TGM1: variants seen among roughly 807,000 people sequenced by gnomAD.
TGM1 encodes the protein transglutaminase 1, also known as protein-glutamine gamma-glutamyltransferase K.
A neutral mutation model predicts 88.7 loss-of-function variants in TGM1; 63 were observed. The observed-to-expected ratio is 0.71, with a 90% confidence interval of 0.58 to 0.88. The LOEUF (loss-of-function observed/expected upper bound fraction) is 0.88. Among genes scored for constraint, TGM1 ranks in the 40% least tolerant of loss-of-function variants. The probability of loss-of-function intolerance (pLI) is 0.00; values close to 1 mark genes in which losing one functional copy is unlikely to be tolerated. For synonymous variants in TGM1, 415 were observed against 431.1 expected, an observed-to-expected ratio of 0.96 and a Z score of 0.46; for missense variants, 996 against 1,118.0, an observed-to-expected ratio of 0.89 and a Z score of 1.56.
intron 4 of TGM1, 111 bp downstream of exon 4, chr14:24,260,339 C>T: frequency 6.6e-7 from 1 of 1,525,678 alleles, no homozygotes; most frequent in South Asian, 1.2e-5. Context: ...CAATGGGAGG[C>T]TGGCTTCTCC....
intron 14 of TGM1, among the ~76,000 whole-genome samples, chr14:24,252,575 T>C (rs1293244693): frequency 6.6e-6 from 1 of 152,162 alleles, no homozygotes; most frequent in Non-Finnish European, 1.5e-5. Context: ...CCAGAGACCA[T>C]GGTATGGTGA....
At chr14:24,262,914 G>A (rs976682303) in intron 1 of TGM1, among the ~76,000 whole-genome samples, 175 bp downstream of exon 1, 2 of 152,254 alleles carry the variant, frequency 1.3e-5, no homozygotes, top group African/African-American at 4.8e-5. Flanking sequence ...GGTAGGGCAT[G>A]GCAGGTGCCC....
chr14:24,254,810 T>G lies in TGM1; in HGVS notation c.1942A>C (p.Met648Leu), dbSNP rs2040732275. 1 of 1,613,756 alleles carries G rather than the reference T, an allele frequency of 6.2e-7. No homozygotes were observed. The highest frequency in any genetic ancestry group is 1.1e-5 in the South Asian group (1 of 91,088). Residue 648 changes from methionine (M) to leucine (L), a missense_variant, in exon 13 of 15, where the codon ATG becomes CTG. By Grantham distance (15) the Met-to-Leu change is conservative. Transcript: ENST00000206765. ...CGGTATTCCTTGTAGGCCACTGGCA[T>G]GGTCACACGGTCCGCTGTGGAGAAG... ...LAPGASDRVTMPVAYKEYRPH... is the reference protein window; with the variant it reads ...LAPGASDRVTLPVAYKEYRPH...
intron 14 of TGM1, 150 bp from the exon 15 acceptor site, chr14:24,249,691 G>T: frequency 2.6e-6 from 2 of 766,122 alleles, no homozygotes; most frequent in Non-Finnish European, 4.4e-6. Flanking sequence ...CCAAGACCAG[G>T]ATCCCCAGGG....
chr14:24,255,833 C>G lies in TGM1; in HGVS notation c.1491+156G>C, dbSNP rs1273957092. 6.6e-6 allele frequency among the ~76,000 whole-genome samples: 1 copy of G among 152,176 alleles called. No homozygotes were observed. ...CTCTTCTGATCCCGAGTATAGGAAGCAAGGCAGCCTTGATTATCCCCTTTT... is the reference window on the plus strand; with the variant it reads ...CTCTTCTGATCCCGAGTATAGGAAGGAAGGCAGCCTTGATTATCCCCTTTT... On this transcript the variant is annotated intron_variant, in intron 10 of 14. Transcript: ENST00000206765. This position sits in a 1 kb window ranked among gnomAD's most constrained non-coding sequence, Gnocchi z 4.0.
rs755635993 is a variant in TGM1, at chr14:24,249,430, G to C, written c.2337C>G (p.His779Gln). 2 of 1,613,814 alleles carry C rather than the reference G, an allele frequency of 1.2e-6. No homozygotes were observed. Among genetic ancestry groups the C allele is most frequent in the Admixed American group, 1.7e-5 (1 of 59,984 alleles). The change falls in exon 15 of 15, where the codon CAC becomes CAG. Residue 779 changes from histidine (H) to glutamine (Q), a missense_variant. Physicochemically the swap from His to Gln is conservative, Grantham distance 24 (BLOSUM62 0). Transcript: ENST00000206765. ...GGGCCACATCCACCTGGATGACACC[G>C]TGCACCTGGGAGAGCTGTGGGCTGT... ...SLDSPQLSQV[H>Q]GVIQVDVAPA...
At position 24,261,924 on chromosome 14, in the gene TGM1, A is replaced by T. The variant is rs2854996; in HGVS notation, c.320-41T>A. On this transcript the variant is annotated intron_variant, in intron 2 of 14. Coordinates refer to ENST00000206765, the MANE Select transcript of TGM1 (RefSeq NM_000359.3). ...TCCGTGTCAGTGAAGCCCCATGAGG[A>T]GCCCAGGCCCTTATCATTAGCTTCC... 1 of 1,611,126 alleles carries T rather than the reference A, an allele frequency of 6.2e-7. No individual in the cohort carries two copies. Among genetic ancestry groups the T allele is most frequent in the Admixed American group, 1.7e-5 (1 of 60,022 alleles).
rs968288100 is a variant in TGM1, at chr14:24,249,580, G to T, written c.2226-39C>A. ...CAAGGTCATGGGCCTGGAGTAATTGGGGGTGGAGTGGGGAGTAAGAGCTGA... is the reference window on the plus strand; with the variant it reads ...CAAGGTCATGGGCCTGGAGTAATTGTGGGTGGAGTGGGGAGTAAGAGCTGA... On this transcript the variant is annotated intron_variant, in intron 14 of 14. Transcript: ENST00000206765. The T allele has an allele frequency of 4.5e-6, 7 of 1,563,966 alleles. No homozygotes were observed. In the African/African-American group the frequency reaches 8.1e-5, roughly 18 times the overall value.
In TGM1 at chr14:24,249,451, G is replaced by T. The variant is rs757658720; in HGVS notation, c.2316C>A (p.Ser772Arg). 6.2e-7 allele frequency: 1 copy of T among 1,613,954 alleles called. No individual in the cohort carries two copies. The highest frequency in any genetic ancestry group is 1.3e-5 in the African/African-American group (1 of 74,902). Residue 772 changes from serine to arginine, a missense_variant, in exon 15 of 15, where the codon AGC (serine) becomes AGA (arginine). By Grantham distance (110) the Ser-to-Arg change is moderately radical. Transcript: ENST00000206765. ...CACCGTGCACCTGGGAGAGCTGTGGGCTGTCCAAGCTGGCAATGAGCTGGC... is the reference window on the plus strand; with the variant it reads ...CACCGTGCACCTGGGAGAGCTGTGGTCTGTCCAAGCTGGCAATGAGCTGGC... Reference protein sequence around the residue: ...GPRQLIASLDSPQLSQVHGVI... With the variant: ...GPRQLIASLDRPQLSQVHGVI...
chr14:24,259,002 G>T lies in TGM1; in HGVS notation c.1159+73C>A. On this transcript the variant is annotated intron_variant, in intron 7 of 14. Coordinates refer to ENST00000206765, the MANE Select transcript of TGM1 (RefSeq NM_000359.3). The surrounding 1 kb of genome is among the most constrained non-coding windows in gnomAD (Gnocchi z 5.7). ...CTGCACTGTAGCCACATCTGGGCAG[G>T]GCTGGGTAAGCCTGGCTTTCCTCCC... 1 of 1,573,564 alleles carries T rather than the reference G, an allele frequency of 6.4e-7. No homozygotes were observed. The highest frequency in any genetic ancestry group is 8.7e-7 in the Non-Finnish European group (1 of 1,151,178).
Position 24,260,469 on chromosome 14 carries a change from G to A in TGM1, c.738C>T (p.Leu246=). ...GCTCACCTGGGCACCAGGGGTTGAA[G>A]AGGATGTAGATCTCATTGCGGGGGT... is the stretch of plus-strand genomic sequence containing the variant. ...PFDPRNEIYI[L]FNPWCPEDIV... The change falls in exon 4 of 15, where the codon CTC becomes CTT. Residue 246 remains leucine, a synonymous_variant. Transcript: ENST00000206765. 2 of 1,614,234 alleles carry A rather than the reference G, an allele frequency of 1.2e-6. No homozygotes were observed. The highest frequency in any genetic ancestry group is 1.7e-6 in the Non-Finnish European group (2 of 1,180,042).
intron 14 of TGM1, 141 bp from the exon 15 acceptor site, chr14:24,249,682 C>T (rs1331795797): frequency 4.9e-6 from 4 of 813,366 alleles, no homozygotes; most frequent in Non-Finnish European, 8.1e-6. Context: ...TTTCCACACC[C>T]AAGACCAGGA....
chr14:24,261,784 A>G lies in TGM1; in HGVS notation c.419T>C (p.Ile140Thr). Residue 140 changes from isoleucine to threonine, a missense_variant, in exon 3 of 15, where the codon ATA becomes ACA. Coordinates refer to ENST00000206765, the MANE Select transcript of TGM1 (RefSeq NM_000359.3). ...HTDEYEYDELIVRRGQPFHML... is the reference protein window; with the variant it reads ...HTDEYEYDELTVRRGQPFHML... Reference sequence around the variant, plus strand: ...ATGGAAAGGCTGCCCGCGGCGCACTATCAGCTCGTCGTACTCATACTCGTC... The same window carrying G: ...ATGGAAAGGCTGCCCGCGGCGCACTGTCAGCTCGTCGTACTCATACTCGTC... 6.2e-7 allele frequency: 1 copy of G among 1,614,024 alleles called. No homozygotes were observed. Among genetic ancestry groups the G allele is most frequent in the Non-Finnish European group, 8.5e-7 (1 of 1,180,000 alleles).
rs999298786 is a variant in TGM1, at chr14:24,259,503, T to C, written c.984+201A>G. Among the ~76,000 whole-genome samples the C allele has an allele frequency of 6.6e-6, 1 of 152,020 alleles. No individual in the cohort carries two copies. Among genetic ancestry groups the C allele is most frequent in the Admixed American group, 6.6e-5 (1 of 15,264 alleles). On this transcript the variant is annotated intron_variant, in intron 6 of 14. Transcript: ENST00000206765. This position sits in a 1 kb window ranked among gnomAD's most constrained non-coding sequence, Gnocchi z 5.7. Reference sequence around the variant, plus strand: ...GTTTGGCCCTACATTCCACAGGAGCTGGGACAGGAGCCAGGAAAGGCGGGG... The same window carrying C: ...GTTTGGCCCTACATTCCACAGGAGCCGGGACAGGAGCCAGGAAAGGCGGGG...
chr14:24,252,965 C>T (rs2040714012), intron 14 of TGM1, among the ~76,000 whole-genome samples: 1 of 152,240 alleles, frequency 6.6e-6, no homozygotes, highest in Non-Finnish European at 1.5e-5. Context: ...CCCAGGAACA[C>T]AGCATGTGTG....
Position 24,249,417 on chromosome 14 carries a change from C to A in TGM1, c.2350G>T (p.Val784Leu). 6.2e-7 allele frequency: 1 copy of A among 1,614,148 alleles called. No homozygotes were observed. ...QLSQVHGVIQ[V>L]DVAPAPGDGG... ...TCCCCAGGGGCTGGGGCCACATCCA[C>A]CTGGATGACACCGTGCACCTGGGAG... The change falls in exon 15 of 15, where the codon GTG becomes TTG. Residue 784 changes from valine (V) to leucine (L), a missense_variant. By Grantham distance (32) the Val-to-Leu change is conservative (BLOSUM62 1). Transcript: ENST00000206765.
rs767968492 is a variant in TGM1 at position 24,259,035 on chromosome 14, T to C, written c.1159+40A>G. 1 of 1,611,488 alleles carries C rather than the reference T, an allele frequency of 6.2e-7. No homozygotes were observed. Among genetic ancestry groups the C allele is most frequent in the East Asian group, 2.2e-5 (1 of 44,862 alleles). Reference sequence around the variant, plus strand: ...AAGCCTGGCTTTCCTCCCTTCTCCCTGTAGGGCCCGGGCCACTCCTGTCCC... The same window carrying C: ...AAGCCTGGCTTTCCTCCCTTCTCCCCGTAGGGCCCGGGCCACTCCTGTCCC... On this transcript the variant is annotated intron_variant, in intron 7 of 14. Transcript: ENST00000206765. This position sits in a 1 kb window ranked among gnomAD's most constrained non-coding sequence, Gnocchi z 5.7.
chr14:24,261,596 G>A, intron 3 of TGM1, 99 bp downstream of exon 3: 1 of 1,435,606 alleles, frequency 7.0e-7, no homozygotes, highest in Non-Finnish European at 9.8e-7. Flanking sequence ...GAGGTGAGGA[G>A]TGGGGCAGGG....
chr14:24,260,392 A>C lies in TGM1; in HGVS notation c.757+58T>G. On this transcript the variant is annotated intron_variant, in intron 4 of 14. Transcript: ENST00000206765. ...GCACCCCGCCACATCCGAGGGCAGG[A>C]AGCCCTTCCCTGTCTTTCCCTCCCA... is the stretch of plus-strand genomic sequence containing the variant. 10 of 1,611,148 alleles carry C rather than the reference A, an allele frequency of 6.2e-6. No individual in the cohort carries two copies. In the South Asian group the frequency reaches 1.1e-4, roughly 18 times the overall value.
Sources: allele counts gnomAD v4.1 joint callset (sites outside exome capture counted in the v4.1 genomes callset), GRCh38; gene constraint gnomAD v4.1.1; non-coding constraint Gnocchi (gnomAD v3.1); transcripts MANE v1.5; gene names NCBI Gene and HGNC (gene_info 2026-07-23, HGNC 2026-07-21).